The following XIRP2 variants were observed in gnomAD, a reference collection of about 807,000 sequenced individuals.
XIRP2 encodes xin actin-binding repeat-containing protein 2.
XIRP2 carries 236 observed loss-of-function variants against 277.0 expected under a neutral mutation model. The ratio of observed to expected loss-of-function variants is 0.85; its 90% CI spans 0.77 to 0.95. The LOEUF (loss-of-function observed/expected upper bound fraction) is 0.95, where lower values mean the gene tolerates loss of function less well. Among genes scored for constraint, XIRP2 ranks in the 40% least tolerant of loss-of-function variants. XIRP2 has a pLI of 0.00. For synonymous variants in XIRP2, 1,490 were observed against 1,416.5 expected (o/e 1.05, Z -1.17); for missense variants, 4,640 against 4,157.5 (o/e 1.12, Z -3.19).
chr2:167,023,879 T>A (rs1321783285), intron 2 of XIRP2, among the ~76,000 whole-genome samples: 1 of 152,214 alleles, frequency 6.6e-6, no homozygotes, highest in African/African-American at 2.4e-5. Context: ...TAATTTGAAG[T>A]CAGGTAGCGT....
intron 2 of XIRP2, among the ~76,000 whole-genome samples, chr2:167,015,816 T>C (rs544474472): frequency 1.3e-5 from 2 of 151,794 alleles, no homozygotes; most frequent in Non-Finnish European, 1.5e-5. Flanking sequence ...CTTTCCTAAG[T>C]TGTCTTCTTC....
At position 167,255,159 on chromosome 2, in the gene XIRP2, C is replaced by T. The variant is rs370300255; in HGVS notation, c.*39+994C>T. On this transcript the variant is annotated intron_variant, in intron 10 of 10. Transcript: ENST00000409195. ...TGGGAATTTATTCTTCTCAACGTTT[C>T]TCTTCTTTCTAGTGAATCACATCCA... 1.3e-4 allele frequency among the ~76,000 whole-genome samples: 19 copies of T among 151,884 alleles called. No individual in the cohort carries two copies. The East Asian group carries it at 3.7e-3, about 30-fold the overall frequency.
intron 2 of XIRP2, among the ~76,000 whole-genome samples, chr2:167,099,215 A>G (rs923987606): frequency 6.6e-6 from 1 of 152,076 alleles, no homozygotes; most frequent in African/African-American, 2.4e-5. Flanking sequence ...AGAAAGGAGG[A>G]ATCTAGAGAG....
At chr2:167,152,110 A>C (rs1692033559) in intron 3 of XIRP2, among the ~76,000 whole-genome samples, 1 of 152,148 alleles carries the variant, frequency 6.6e-6, no homozygotes, top group Admixed American at 6.6e-5. Context: ...AGATGGATTC[A>C]GGACATGCTA....
intron 2 of XIRP2, among the ~76,000 whole-genome samples, chr2:167,022,925 G>A (rs1688027092): frequency 6.6e-6 from 1 of 152,150 alleles, no homozygotes; most frequent in Non-Finnish European, 1.5e-5. Flanking sequence ...ATGTGTGCAT[G>A]TGTCTTTATA....
chr2:167,208,546 G>C (rs1693925481), intron 3 of XIRP2, among the ~76,000 whole-genome samples: 1 of 152,136 alleles, frequency 6.6e-6, no homozygotes, highest in South Asian at 2.1e-4. Context: ...CTGACCTCGT[G>C]ATCTGCCCGT....
At chr2:167,226,116 T>C (rs1694592262) in intron 5 of XIRP2, among the ~76,000 whole-genome samples, 4 of 152,190 alleles carry the variant, frequency 2.6e-5, no homozygotes, top group Admixed American at 2.0e-4. Context: ...ATACTAGTAA[T>C]TCGGTTTTCC....
chr2:167,199,825 C>T (rs1465059321), intron 3 of XIRP2, among the ~76,000 whole-genome samples: 3 of 152,030 alleles, frequency 2.0e-5, no homozygotes, highest in Non-Finnish European at 4.4e-5. Context: ...AGTAACTAAA[C>T]CACACATAAA....
chr2:167,215,221 G>C (rs1292923247), intron 4 of XIRP2, among the ~76,000 whole-genome samples: 1 of 152,104 alleles, frequency 6.6e-6, no homozygotes, highest in Non-Finnish European at 1.5e-5. Flanking sequence ...AAGGGGTGCT[G>C]TACATTTTTC....
chr2:167,082,027 T>C (rs1322034100), intron 2 of XIRP2, among the ~76,000 whole-genome samples: 1 of 151,884 alleles, frequency 6.6e-6, no homozygotes, highest in East Asian at 1.9e-4. Flanking sequence ...ACATGTGCCA[T>C]GCTGGTGCGC....
Position 167,243,492 on chromosome 2 carries a change from T to C in XIRP2, c.2100T>C (p.His700=). Reference sequence around the variant, plus strand: ...TGAGATACATGTTTGAAACTCAACATCTAGATCAACTTGGACAGCTTCATT... The same window carrying C: ...TGAGATACATGTTTGAAACTCAACACCTAGATCAACTTGGACAGCTTCATT... ...KTVRYMFETQ[H]LDQLGQLHSV... Residue 700 remains histidine (H), a synonymous_variant, in exon 9 of 11, where the codon CAT becomes CAC. Transcript: ENST00000409195. The C allele has an allele frequency of 6.2e-7, 1 of 1,614,052 alleles. No homozygotes were observed. Among genetic ancestry groups the C allele is most frequent in the Non-Finnish European group, 8.5e-7 (1 of 1,179,980 alleles).
rs1385067033 is a variant in XIRP2 at position 167,007,697 on chromosome 2, TCTCTCTCACACACACA to T, written c.408+103809_408+103824del. Among the ~76,000 whole-genome samples the T allele has an allele frequency of 3.6e-3, 441 of 120,908 alleles. 3 individuals carry two copies. The highest frequency in any genetic ancestry group is 0.014 in the African/African-American group (410 of 28,284). The allele number at this position is 120,908 out of a possible 152,430, so 79.3% of individuals were successfully genotyped here. ...CATGTACACTCTCTCTCTCTCTCTC[TCTCTCTCACACACACA>T]CACACACACACACACACACACACAC... On this transcript the variant is annotated intron_variant, in intron 2 of 10. Coordinates refer to ENST00000409195, the MANE Select transcript of XIRP2 (RefSeq NM_152381.6).
intron 2 of XIRP2, among the ~76,000 whole-genome samples, chr2:166,962,090 A>G (rs1447540650): frequency 6.6e-6 from 1 of 151,748 alleles, no homozygotes; most frequent in African/African-American, 2.4e-5. Context: ...TGAAGATGGT[A>G]TTATTAATAG....
chr2:166,898,637 C>T (rs912148387), intron 1 of XIRP2, among the ~76,000 whole-genome samples: 4 of 151,934 alleles, frequency 2.6e-5, no homozygotes, highest in African/African-American at 9.7e-5. Flanking sequence ...AAATTGAAAT[C>T]GACGCCATAT....
At chr2:167,256,990 T>C (rs1203916766) in intron 10 of XIRP2, among the ~76,000 whole-genome samples, 1 of 151,938 alleles carries the variant, frequency 6.6e-6, no homozygotes, top group Non-Finnish European at 1.5e-5. Flanking sequence ...CCTCTTCAAG[T>C]CTTCCTTACC....
chr2:166,911,130 C>T (rs192929458), intron 2 of XIRP2, among the ~76,000 whole-genome samples: 54 of 152,216 alleles, frequency 3.5e-4, no homozygotes, highest in South Asian at 3.1e-3. Flanking sequence ...CTATTAGGTC[C>T]GCTTGTTACA....
Position 167,037,313 on chromosome 2 carries a change from C to A in XIRP2, c.409-98596C>A, listed in dbSNP as rs543832674. On this transcript the variant is annotated intron_variant, in intron 2 of 10. Transcript: ENST00000409195. ...ATGGACCATGTGTTAGGCCACAGAA[C>A]AAGTCTTAAAAGATTTAAATTACAA... 2.0e-5 allele frequency among the ~76,000 whole-genome samples: 3 copies of A among 152,254 alleles called. No individual in the cohort carries two copies. In the East Asian group the frequency reaches 5.8e-4, roughly 29 times the overall value.
At chr2:167,127,258 A>G (rs956145347) in intron 2 of XIRP2, among the ~76,000 whole-genome samples, 5 of 152,162 alleles carry the variant, frequency 3.3e-5, no homozygotes, top group African/African-American at 1.2e-4. Flanking sequence ...AAGGGCACAC[A>G]TCTAAGGGAA....
rs1259218699 is a variant in XIRP2 at position 167,218,298 on chromosome 2, C to T, written c.856C>T (p.Gln286Ter). 6.5e-7 allele frequency: 1 copy of T among 1,540,828 alleles called. No homozygotes were observed. The highest frequency in any genetic ancestry group is 2.3e-5 in the East Asian group (1 of 42,728). The change falls in exon 5 of 11, where the codon CAG (glutamine) becomes TAG (stop). Residue 286 changes from glutamine (Q) to a stop codon, truncating the protein, a stop_gained and splice_region_variant. Coordinates refer to ENST00000409195, the MANE Select transcript of XIRP2 (RefSeq NM_152381.6). LOFTEE classifies it high-confidence loss of function. ...YQYQHQNRSEQEAIHSSQVGT... is the reference protein window; with the variant it reads ...YQYQHQNRSE Reference sequence around the variant, plus strand: ...ATATCAACATCAGAACAGATCTGAGCAGGTAATACTACTACAGGTGATGGG... The same window carrying T: ...ATATCAACATCAGAACAGATCTGAGTAGGTAATACTACTACAGGTGATGGG...
Sources: allele counts gnomAD v4.1 joint callset (sites outside exome capture counted in the v4.1 genomes callset), GRCh38; gene constraint gnomAD v4.1.1; transcripts MANE v1.5; gene names NCBI Gene and HGNC (gene_info 2026-07-23, HGNC 2026-07-21).